Variants in TENM3 observed in about 807,000 individuals in gnomAD.
The protein encoded by TENM3 is teneurin-3.
A neutral mutation model predicts 255.1 loss-of-function variants in TENM3; 63 were observed. The ratio of observed to expected loss-of-function variants is 0.25; its 90% CI spans 0.20 to 0.30. The LOEUF (loss-of-function observed/expected upper bound fraction) is 0.30. Among genes scored for constraint, TENM3 ranks in the 10% least tolerant of loss-of-function variants. The pLI, the probability that TENM3 is intolerant of heterozygous loss-of-function variation, is 1.00. For synonymous variants in TENM3, 1,306 were observed against 1,322.3 expected (o/e 0.99, Z 0.27); for missense variants, 2,929 against 3,461.1 (o/e 0.85, Z 3.86).
intron 1 of TENM3, among the ~76,000 whole-genome samples, chr4:182,262,181 G>A (rs897283688): frequency 1.3e-5 from 2 of 152,190 alleles, no homozygotes; most frequent in African/African-American, 4.8e-5. Flanking sequence ...CATGGCATTT[G>A]TAATAAATAA....
chr4:182,579,620 C>T (rs951872754), intron 3 of TENM3, among the ~76,000 whole-genome samples: 1 of 152,062 alleles, frequency 6.6e-6, no homozygotes, highest in Admixed American at 6.6e-5. Context: ...AATATGTTTT[C>T]CTTTAAGATT....
At chr4:182,451,233 TGC>T (rs1446419707) in intron 3 of TENM3, among the ~76,000 whole-genome samples, 1 of 152,236 alleles carries the variant, frequency 6.6e-6, no homozygotes, top group Non-Finnish European at 1.5e-5. Flanking sequence ...TTTTGGCTGT[TGC>T]GTCACGTTTC....
At chr4:182,465,140 T>C (rs1732463718) in intron 3 of TENM3, among the ~76,000 whole-genome samples, 2 of 152,212 alleles carry the variant, frequency 1.3e-5, no homozygotes, top group African/African-American at 4.8e-5. Flanking sequence ...TAGTTTCTAG[T>C]AATGTCTTTC....
At chr4:182,771,209 C>T (rs942329826) in intron 22 of TENM3, among the ~76,000 whole-genome samples, 4 of 152,138 alleles carry the variant, frequency 2.6e-5, no homozygotes, top group Non-Finnish European at 5.9e-5. Flanking sequence ...ATGCTTTCTA[C>T]AGGAGAAAGG....
chr4:181,795,852 A>T, the TENM3 span, among the ~76,000 whole-genome samples: 1 of 152,168 alleles, frequency 6.6e-6, no homozygotes, highest in South Asian at 2.1e-4. Context: ...TAACCTGGAT[A>T]TGACCTGGGT....
chr4:181,641,805 C>CATATATAT, the TENM3 span, among the ~76,000 whole-genome samples: 113 of 31,434 alleles, frequency 3.6e-3, 7 homozygotes, highest in Admixed American at 7.3e-3. Context: ...ACACACACAC[C>CATATATAT]ATATATATAT....
At chr4:181,953,690 AAAAG>A in the TENM3 span, among the ~76,000 whole-genome samples, 55 of 152,118 alleles carry the variant, frequency 3.6e-4, no homozygotes, top group Non-Finnish European at 6.5e-4. Context: ...AAAAAAGAAA[AAAAG>A]AAAGAAAGAA....
intron 6 of TENM3, among the ~76,000 whole-genome samples, chr4:182,670,713 T>A (rs1037596176): frequency 2.5e-4 from 38 of 152,152 alleles, no homozygotes; most frequent in Non-Finnish European, 4.4e-5. Flanking sequence ...TAAGTGTGAA[T>A]TTTTTGTGAA....
chr4:181,687,052 A>G, the TENM3 span, among the ~76,000 whole-genome samples: 2 of 152,190 alleles, frequency 1.3e-5, no homozygotes, highest in African/African-American at 4.8e-5. Flanking sequence ...TAAAAAAGAG[A>G]GATGCATAGA....
At chr4:181,738,709 T>G in the TENM3 span, among the ~76,000 whole-genome samples, 1 of 152,070 alleles carries the variant, frequency 6.6e-6, no homozygotes, top group East Asian at 1.9e-4. Flanking sequence ...CTCCCAAGCA[T>G]GCATTCTGAA....
intron 3 of TENM3, among the ~76,000 whole-genome samples, chr4:182,388,249 A>C (rs1483826726): frequency 2.0e-5 from 3 of 152,118 alleles, no homozygotes; most frequent in African/African-American, 7.2e-5. Context: ...GGTCTCCTTG[A>C]CGTAGCAGTC....
intron 3 of TENM3, among the ~76,000 whole-genome samples, chr4:182,438,259 T>G (rs774890388): frequency 6.6e-6 from 1 of 152,216 alleles, no homozygotes; most frequent in Non-Finnish European, 1.5e-5. Flanking sequence ...CTATTTTGTT[T>G]CTTTTAAATT....
At chr4:182,388,007 C>A (rs1377194221) in intron 3 of TENM3, among the ~76,000 whole-genome samples, 1 of 150,800 alleles carries the variant, frequency 6.6e-6, no homozygotes, top group Non-Finnish European at 1.5e-5. Flanking sequence ...TTTTTCTCTC[C>A]ATGGTTAAGC....
the TENM3 span, among the ~76,000 whole-genome samples, chr4:182,038,076 T>C: frequency 6.6e-6 from 1 of 152,204 alleles, no homozygotes; most frequent in African/African-American, 2.4e-5. Flanking sequence ...GTGATTTTGC[T>C]CAAGTACTTT....
At chr4:181,889,341 G>A in the TENM3 span, among the ~76,000 whole-genome samples, 7 of 152,042 alleles carry the variant, frequency 4.6e-5, no homozygotes, top group Non-Finnish European at 1.0e-4. Context: ...CCGGCTCCCC[G>A]TTCCCTTCTG....
chr4:181,743,932 C>G, the TENM3 span, among the ~76,000 whole-genome samples: 3 of 152,096 alleles, frequency 2.0e-5, no homozygotes, highest in African/African-American at 7.2e-5. Context: ...GTATTACACC[C>G]AGTATCCATT....
intron 3 of TENM3, among the ~76,000 whole-genome samples, chr4:182,586,668 C>T (rs758929146): frequency 3.3e-5 from 5 of 152,228 alleles, no homozygotes; most frequent in Non-Finnish European, 7.4e-5. Flanking sequence ...AGAAAGGATA[C>T]GCTGGGTTCC....
At chr4:181,923,014 G>A in the TENM3 span, among the ~76,000 whole-genome samples, 1 of 152,176 alleles carries the variant, frequency 6.6e-6, no homozygotes, top group East Asian at 1.9e-4. Flanking sequence ...TTCAGGAGCA[G>A]GTTGTTCAGT....
At chr4:181,544,446 G>C in the TENM3 span, among the ~76,000 whole-genome samples, 2 of 85,734 alleles carry the variant, frequency 2.3e-5, no homozygotes, top group Non-Finnish European at 4.8e-5. Flanking sequence ...ACTATAACTC[G>C]TATGGAACCA....
Sources: allele counts gnomAD v4.1 joint callset (sites outside exome capture counted in the v4.1 genomes callset), GRCh38; gene constraint gnomAD v4.1.1; transcripts MANE v1.5; gene names NCBI Gene and HGNC (gene_info 2026-07-23, HGNC 2026-07-21).